ARB2A: variants seen among roughly 807,000 people sequenced by gnomAD.
ARB2A encodes the protein cotranscriptional regulator ARB2A.
chr5:93,804,670 T>C, the ARB2A span, among the ~76,000 whole-genome samples: 1 of 151,870 alleles, frequency 6.6e-6, no homozygotes, highest in Admixed American at 6.6e-5. Context: ...TGTTCATTTA[T>C]ATTACCTTGG....
the ARB2A span, among the ~76,000 whole-genome samples, chr5:93,756,866 C>T: frequency 1.5e-3 from 228 of 152,122 alleles, no homozygotes; most frequent in Non-Finnish European, 2.7e-3. Flanking sequence ...TGGATCCAAA[C>T]CAAGGATAAG....
the ARB2A span, among the ~76,000 whole-genome samples, chr5:93,802,615 A>G: frequency 6.6e-6 from 1 of 152,118 alleles, no homozygotes; most frequent in African/African-American, 2.4e-5. Flanking sequence ...TTTAAAAAGC[A>G]CAAGACATAA....
chr5:94,060,057 C>A, the ARB2A span, among the ~76,000 whole-genome samples: 1 of 152,008 alleles, frequency 6.6e-6, no homozygotes, highest in East Asian at 1.9e-4. Context: ...GACCCTGCAG[C>A]CTTTAAAAAA....
chr5:93,908,646 C>T, the ARB2A span, among the ~76,000 whole-genome samples: 26 of 151,030 alleles, frequency 1.7e-4, no homozygotes, highest in Middle Eastern at 0.011. Context: ...CTTTACTACA[C>T]TCTATTCTAT....
At chr5:94,051,273 T>C in the ARB2A span, among the ~76,000 whole-genome samples, 1 of 152,212 alleles carries the variant, frequency 6.6e-6, no homozygotes, top group East Asian at 1.9e-4. Context: ...GGGATTCATA[T>C]AGACAATAAA....
chr5:93,649,563 G>C, the ARB2A span, among the ~76,000 whole-genome samples: 2 of 152,118 alleles, frequency 1.3e-5, no homozygotes, highest in Admixed American at 6.6e-5. Context: ...ACTATGAATG[G>C]GAATAACTCC....
the ARB2A span, among the ~76,000 whole-genome samples, chr5:93,973,241 T>C: frequency 6.6e-6 from 1 of 151,858 alleles, no homozygotes; most frequent in Admixed American, 6.6e-5. Flanking sequence ...GTTCTAGGCG[T>C]GAGCCACTGT....
chr5:93,699,677 A>G, the ARB2A span, among the ~76,000 whole-genome samples: 4 of 152,006 alleles, frequency 2.6e-5, no homozygotes, highest in African/African-American at 9.7e-5. Context: ...CTCAGACACT[A>G]CCTTCACAGT....
the ARB2A span, among the ~76,000 whole-genome samples, chr5:94,012,979 T>C: frequency 6.6e-6 from 1 of 152,116 alleles, no homozygotes; most frequent in African/African-American, 2.4e-5. Flanking sequence ...TCTTCAGGCA[T>C]GTGCAGTTAT....
chr5:93,728,110 T>G, the ARB2A span, among the ~76,000 whole-genome samples: 3 of 152,212 alleles, frequency 2.0e-5, no homozygotes, highest in South Asian at 6.2e-4. Flanking sequence ...CAAAAAAGTA[T>G]AATTAAGAAC....
chr5:93,803,211 T>C, the ARB2A span, among the ~76,000 whole-genome samples: 2 of 152,092 alleles, frequency 1.3e-5, no homozygotes, highest in Admixed American at 1.3e-4. Flanking sequence ...CTACTGCAGC[T>C]GGCACTAAAC....
chr5:93,777,453 C>T, the ARB2A span, among the ~76,000 whole-genome samples: 1 of 151,982 alleles, frequency 6.6e-6, no homozygotes, highest in African/African-American at 2.4e-5. Flanking sequence ...AATCTATATT[C>T]CTTTTATACA....
At chr5:93,683,246 A>G in the ARB2A span, 9 of 1,494,604 alleles carry the variant, frequency 6.0e-6, no homozygotes, top group Admixed American at 1.5e-4. Flanking sequence ...ATCAGCAGCA[A>G]GTTTTACTTT....
the ARB2A span, among the ~76,000 whole-genome samples, chr5:93,664,630 C>CAA: frequency 3.5e-5 from 5 of 142,080 alleles, no homozygotes; most frequent in South Asian, 2.2e-4. Flanking sequence ...GACTTCGTCT[C>CAA]AAAAATATAT....
the ARB2A span, among the ~76,000 whole-genome samples, chr5:94,040,014 G>A: frequency 9.9e-5 from 15 of 152,068 alleles, no homozygotes; most frequent in Non-Finnish European, 1.5e-5. Context: ...TCCTAAGACA[G>A]AGTGGGCTGG....
At chr5:93,971,516 G>A in the ARB2A span, among the ~76,000 whole-genome samples, 1 of 151,380 alleles carries the variant, frequency 6.6e-6, no homozygotes, top group Non-Finnish European at 1.5e-5. Flanking sequence ...GCAGTGAGCT[G>A]AAATAGCGCC....
chr5:93,861,930 T>C, the ARB2A span: 1 of 152,174 alleles, frequency 6.6e-6, no homozygotes, highest in South Asian at 2.1e-4. Flanking sequence ...GTTTTTCTCA[T>C]TTAGAAAGAG....
the ARB2A span, chr5:93,866,329 C>A: frequency 1.0e-6 from 1 of 966,702 alleles, no homozygotes; most frequent in South Asian, 4.8e-5. Context: ...CCCCTTAGTT[C>A]TTAAAATTGA....
chr5:94,039,871 A>AC, the ARB2A span, among the ~76,000 whole-genome samples: 1 of 151,516 alleles, frequency 6.6e-6, no homozygotes, highest in Non-Finnish European at 1.5e-5. Context: ...AAGAACCATC[A>AC]CCCCCCAACC....
Sources: gnomAD v4.1 joint callset for allele counts (sites outside exome capture counted in the v4.1 genomes callset) on GRCh38, gnomAD v4.1.1 for gene constraint, MANE v1.5 for transcripts, NCBI Gene and HGNC (gene_info 2026-07-23, HGNC 2026-07-21) for gene names.